PARD3: variants seen among roughly 807,000 people sequenced by gnomAD.
The protein encoded by PARD3 is partitioning defective 3 homolog.
In PARD3, 75 loss-of-function variants were observed where a neutral mutation model predicts 155.4. The ratio of observed to expected loss-of-function variants is 0.48; its 90% CI spans 0.40 to 0.58. PARD3 has a LOEUF of 0.58. Ranked by LOEUF, PARD3 falls within the 20% of genes least tolerant of loss-of-function variation. The pLI, the probability that PARD3 is intolerant of heterozygous loss-of-function variation, is 0.00. For synonymous variants in PARD3, 576 were observed against 610.5 expected (o/e 0.94, Z 0.83); for missense variants, 1,642 against 1,721.7 (o/e 0.95, Z 0.82).
intron 23 of PARD3, among the ~76,000 whole-genome samples, chr10:34,125,804 A>C (rs947072327): frequency 6.6e-6 from 1 of 152,238 alleles, no homozygotes; most frequent in Non-Finnish European, 1.5e-5. Context: ...AACTACTTTC[A>C]GTCACTCCCA....
chr10:34,377,707 G>A (rs546281534), intron 10 of PARD3, among the ~76,000 whole-genome samples: 19 of 152,084 alleles, frequency 1.2e-4, no homozygotes, highest in Non-Finnish European at 1.8e-4. Context: ...CAAGAGGATC[G>A]CCTGAGGCCA....
chr10:34,463,338 T>TGGGAAG (rs1280737154), intron 4 of PARD3, among the ~76,000 whole-genome samples: 9 of 54,066 alleles, frequency 1.7e-4, no homozygotes, highest in East Asian at 1.3e-3. Flanking sequence ...GGAATGGGAA[T>TGGGAAG]GGGAAGGGGA....
chr10:34,449,075 C>T (rs914827160), intron 5 of PARD3, among the ~76,000 whole-genome samples: 2 of 111,086 alleles, frequency 1.8e-5, no homozygotes, highest in Admixed American at 8.0e-5. Flanking sequence ...CCCGCCACCA[C>T]GCCCGGCTAT....
At chr10:34,317,683 G>A (rs183017134) in intron 19 of PARD3, among the ~76,000 whole-genome samples, 2 of 152,288 alleles carry the variant, frequency 1.3e-5, no homozygotes, top group East Asian at 1.9e-4. Flanking sequence ...TAAGGGTCCC[G>A]TGTACTATAT....
At chr10:34,641,631 C>T (rs2092681705) in intron 2 of PARD3, among the ~76,000 whole-genome samples, 1 of 152,022 alleles carries the variant, frequency 6.6e-6, no homozygotes, top group Non-Finnish European at 1.5e-5. Flanking sequence ...AGCACCCCCT[C>T]ACCGATGGCC....
intron 1 of PARD3, 141 bp downstream of exon 1, chr10:34,814,735 G>C (rs1234393389): frequency 1.5e-6 from 1 of 678,568 alleles, no homozygotes; most frequent in Non-Finnish European, 2.3e-6. Flanking sequence ...CGGGGCGGGG[G>C]GCGCCCGCGA....
rs1374131461 is a variant in PARD3 at position 34,317,326 on chromosome 10, G to T, written c.2846C>A (p.Thr949Lys). 1 of 1,600,282 alleles carries T rather than the reference G, an allele frequency of 6.2e-7. No individual in the cohort carries two copies. Among genetic ancestry groups the T allele is most frequent in the Non-Finnish European group, 8.5e-7 (1 of 1,175,530 alleles). Residue 949 changes from threonine (T) to lysine (K), a missense_variant, in exon 20 of 25, where the codon ACA becomes AAA. Thr to Lys is a moderately conservative substitution (Grantham distance 78, BLOSUM62 -1). This residue lies in a region of PARD3 where 1,529 missense variants were observed against 1,587.3 expected (regional missense o/e 0.96). Coordinates refer to ENST00000374788, the MANE Select transcript of PARD3 (RefSeq NM_001184785.2). ...DEGMETLEED[T>K]EESSRSGRES... is the part of the protein sequence containing the mutation. ...TCTCCCTGATCTTGAACTTTCTTCT[G>T]TGTCTTCTTCCACTTGGAAGGAAAG...
intron 1 of PARD3, among the ~76,000 whole-genome samples, chr10:34,699,975 G>A (rs563869302): frequency 2.6e-5 from 4 of 152,154 alleles, no homozygotes; most frequent in African/African-American, 9.6e-5. Flanking sequence ...AAACAAACAT[G>A]ACAGAACATT....
chr10:34,805,525 A>T lies in PARD3; in HGVS notation c.120+9351T>A, dbSNP rs200548281. ...ATACCACCATAAAAGATCACCCCAG[A>T]AATACACACGTATGTGCATATATAT... is the stretch of plus-strand genomic sequence containing the variant. On this transcript the variant is annotated intron_variant, in intron 1 of 24. Transcript: ENST00000374788. Among the ~76,000 whole-genome samples, 6 of 144,764 alleles carry T rather than the reference A, an allele frequency of 4.1e-5. No individual in the cohort carries two copies. The East Asian group carries it at 1.2e-3, about 29-fold the overall frequency. The allele number at this position is 144,764 out of a possible 152,430, so 95.0% of individuals were successfully genotyped here.
intron 5 of PARD3, 93 bp from the exon 6 acceptor site, chr10:34,402,010 C>T: frequency 1.0e-6 from 1 of 954,958 alleles, no homozygotes; most frequent in Non-Finnish European, 1.7e-6. Flanking sequence ...GTCTAATAGG[C>T]ATTATGATCT....
chr10:34,415,161 T>C (rs977563380), intron 5 of PARD3, among the ~76,000 whole-genome samples: 3 of 151,904 alleles, frequency 2.0e-5, no homozygotes, highest in South Asian at 2.1e-4. Flanking sequence ...AAACATCTAA[T>C]AGAATCTCCA....
chr10:34,331,955 T>G (rs1034658126), intron 18 of PARD3, among the ~76,000 whole-genome samples: 1 of 152,116 alleles, frequency 6.6e-6, no homozygotes, highest in Non-Finnish European at 1.5e-5. Flanking sequence ...ATGGATATTC[T>G]ATAGGAAGAG....
chr10:34,644,708 G>A (rs998765786), intron 2 of PARD3, among the ~76,000 whole-genome samples: 8 of 152,200 alleles, frequency 5.3e-5, no homozygotes, highest in Non-Finnish European at 1.0e-4. Context: ...ACATCTTAGT[G>A]ACTGATGGAG....
intron 1 of PARD3, among the ~76,000 whole-genome samples, chr10:34,770,671 G>A (rs1325738153): frequency 1.3e-5 from 2 of 152,194 alleles, no homozygotes; most frequent in South Asian, 2.1e-4. Context: ...TTGGACAGAT[G>A]ACTCTCCCAC....
chr10:34,765,495 T>G (rs1396739479), intron 1 of PARD3, among the ~76,000 whole-genome samples: 1 of 151,988 alleles, frequency 6.6e-6, no homozygotes, highest in Non-Finnish European at 1.5e-5. Flanking sequence ...CTGGCCCACA[T>G]GGTGAAACCC....
In PARD3 at chr10:34,223,622, A is replaced by T. The variant is rs139279007; in HGVS notation, c.3419+46035T>A. ...CTCTAAAGGATAAAAAACAATCAAG[A>T]GATACCATATGAGCTACAGACTGCT... On this transcript the variant is annotated intron_variant, in intron 22 of 24. Coordinates refer to ENST00000374788, the MANE Select transcript of PARD3 (RefSeq NM_001184785.2). Among the ~76,000 whole-genome samples the T allele has an allele frequency of 7.6e-4, 116 of 152,328 alleles. No homozygotes were observed. The East Asian group carries it at 0.017, about 23-fold the overall frequency.
chr10:34,201,450 G>A (rs954709273), intron 22 of PARD3, among the ~76,000 whole-genome samples: 3 of 152,132 alleles, frequency 2.0e-5, no homozygotes, highest in Non-Finnish European at 4.4e-5. Flanking sequence ...AATAAATTAT[G>A]AAGAAATCAA....
chr10:34,617,271 T>C (rs2091321718), intron 2 of PARD3, among the ~76,000 whole-genome samples: 1 of 151,206 alleles, frequency 6.6e-6, no homozygotes, highest in Non-Finnish European at 1.5e-5. Context: ...AATAAATAAA[T>C]AAATAAAAAT....
intron 5 of PARD3, among the ~76,000 whole-genome samples, chr10:34,418,852 C>T (rs1405154235): frequency 6.6e-6 from 1 of 151,466 alleles, no homozygotes; most frequent in South Asian, 2.1e-4. Context: ...CTCACTGCAG[C>T]CTCCACCTCT....
Sources: gnomAD v4.1 joint callset for allele counts (sites outside exome capture counted in the v4.1 genomes callset) on GRCh38, gnomAD v4.1.1 for gene constraint, gnomAD v4.1.1 regional missense constraint, MANE v1.5 for transcripts, NCBI Gene and HGNC (gene_info 2026-07-23, HGNC 2026-07-21) for gene names.